PCDHGB3: variants seen among roughly 807,000 people sequenced by gnomAD.
The protein encoded by PCDHGB3 is protocadherin gamma-B3.
In PCDHGB3, 40 loss-of-function variants were observed where a neutral mutation model predicts 59.2. That is an observed-to-expected ratio of 0.68 (90% CI 0.52 to 0.88). The LOEUF (loss-of-function observed/expected upper bound fraction) is 0.88, where lower values mean the gene tolerates loss of function less well. PCDHGB3 is among the 40% of genes least tolerant of loss of function. The pLI, the probability that PCDHGB3 is intolerant of heterozygous loss-of-function variation, is 0.00. For synonymous variants in PCDHGB3, 581 were observed against 503.6 expected (o/e 1.15, Z -2.06); for missense variants, 1,309 against 1,187.9 (o/e 1.10, Z -1.50).
intron 1 of PCDHGB3, chr5:141,394,242 CACGACCCCG>C (rs1450725417): frequency 1.2e-6 from 2 of 1,613,838 alleles, no homozygotes; most frequent in Non-Finnish European, 1.7e-6. Flanking sequence ...CTTGACTGCA[CACGACCCCG>C]ACAGCCAGGA....
chr5:141,371,610 A>C lies in PCDHGB3; in HGVS notation c.1216A>C (p.Thr406Pro). Reference protein sequence around the residue: ...QDTKNTYRLVTDGALDREQIP... With the variant: ...QDTKNTYRLVPDGALDREQIP... ...TACCAAAAACACATACAGGTTGGTGACAGATGGAGCCCTGGACCGGGAGCA... is the reference window on the plus strand; with the variant it reads ...TACCAAAAACACATACAGGTTGGTGCCAGATGGAGCCCTGGACCGGGAGCA... Residue 406 changes from threonine (T) to proline (P), a missense_variant, in exon 1 of 4, where the codon ACA becomes CCA. Thr to Pro is a conservative substitution (Grantham distance 38, BLOSUM62 -1). Coordinates refer to ENST00000576222, the MANE Select transcript of PCDHGB3 (RefSeq NM_018924.5). 1 of 1,614,006 alleles carries C rather than the reference A, an allele frequency of 6.2e-7. No individual in the cohort carries two copies. Among genetic ancestry groups the C allele is most frequent in the Non-Finnish European group, 8.5e-7 (1 of 1,179,880 alleles).
intron 1 of PCDHGB3, among the ~76,000 whole-genome samples, chr5:141,438,396 A>T (rs1026490705): frequency 6.6e-6 from 1 of 150,930 alleles, no homozygotes. Context: ...TTCATCATTA[A>T]CTCTCTGAAG....
intron 1 of PCDHGB3, chr5:141,393,194 C>G (rs770162660): frequency 6.2e-7 from 1 of 1,613,362 alleles, no homozygotes. Flanking sequence ...TTGATATTAA[C>G]GATAATAACC....
At chr5:141,484,311 C>T (rs1234690996) in intron 1 of PCDHGB3, among the ~76,000 whole-genome samples, 2 of 152,196 alleles carry the variant, frequency 1.3e-5, no homozygotes, top group African/African-American at 4.8e-5. Flanking sequence ...CTCCACCCCG[C>T]TTCCATACTG....
intron 1 of PCDHGB3, chr5:141,419,602 C>T (rs757423030): frequency 6.2e-7 from 1 of 1,611,874 alleles, no homozygotes; most frequent in Admixed American, 1.7e-5. Flanking sequence ...TGCCGCGGGC[C>T]GCGCAGCCAG....
In PCDHGB3 at chr5:141,490,729, C is replaced by G. The variant is rs1365931429; in HGVS notation, c.2416-4078C>G. ...CCTCACCTACTCCATTGTAGGAAAT[C>G]AGGTTCAGGGAGCCCCAGCCTCCTC... On this transcript the variant is annotated intron_variant, in intron 1 of 3. Coordinates refer to ENST00000576222, the MANE Select transcript of PCDHGB3 (RefSeq NM_018924.5). The surrounding 1 kb of genome is among the most constrained non-coding windows in gnomAD (Gnocchi z 5.4). 1 of 1,614,184 alleles carries G rather than the reference C, an allele frequency of 6.2e-7. No homozygotes were observed.
At chr5:141,417,954 C>A (rs2096198021) in intron 1 of PCDHGB3, 3 of 1,613,600 alleles carry the variant, frequency 1.9e-6, no homozygotes, top group South Asian at 1.1e-5. Flanking sequence ...CTGTGTGAGC[C>A]GATCCGCTAC....
At chr5:141,510,408 T>C (rs1447722710) in intron 3 of PCDHGB3, among the ~76,000 whole-genome samples, 1 of 151,878 alleles carries the variant, frequency 6.6e-6, no homozygotes, top group African/African-American at 2.4e-5. Flanking sequence ...GCTAGGGGCA[T>C]GTAAAGCCAT....
intron 1 of PCDHGB3, among the ~76,000 whole-genome samples, chr5:141,400,820 G>A (rs1419111099): frequency 6.6e-6 from 1 of 152,082 alleles, no homozygotes; most frequent in African/African-American, 2.4e-5. Context: ...TTACCTATTC[G>A]TTGTCTCATT....
chr5:141,510,821 C>G, intron 3 of PCDHGB3, 126 bp from the exon 4 acceptor site: 2 of 1,559,324 alleles, frequency 1.3e-6, no homozygotes, highest in Non-Finnish European at 1.7e-6. Context: ...CCCCTATATT[C>G]CCAGTGCTCA....
intron 1 of PCDHGB3, among the ~76,000 whole-genome samples, chr5:141,466,036 G>C (rs981390655): frequency 1.3e-5 from 2 of 152,064 alleles, no homozygotes; most frequent in Non-Finnish European, 2.9e-5. Context: ...GCAGGAGAAC[G>C]GCATGAACCC....
At chr5:141,506,898 T>C (rs2099857040) in intron 3 of PCDHGB3, among the ~76,000 whole-genome samples, 1 of 152,260 alleles carries the variant, frequency 6.6e-6, no homozygotes, top group East Asian at 1.9e-4. Context: ...AGAAGCACTG[T>C]CATCACACCT....
intron 1 of PCDHGB3, among the ~76,000 whole-genome samples, chr5:141,472,122 G>A (rs898092092): frequency 6.6e-6 from 1 of 152,176 alleles, no homozygotes; most frequent in African/African-American, 2.4e-5. Flanking sequence ...GAAAATAAAA[G>A]AGAAGTTAAA....
chr5:141,507,397 AC>A (rs1163501030), intron 3 of PCDHGB3: 1 of 152,144 alleles, frequency 6.6e-6, no homozygotes. Flanking sequence ...TGGCAACTCT[AC>A]CCCAGATGTC....
intron 1 of PCDHGB3, chr5:141,374,936 A>G: frequency 6.2e-7 from 1 of 1,614,030 alleles, no homozygotes; most frequent in Non-Finnish European, 8.5e-7. Context: ...TGTGAAGATT[A>G]CAGAAAAGAT....
At chr5:141,393,167 G>A (rs889451396) in intron 1 of PCDHGB3, 9 of 1,613,166 alleles carry the variant, frequency 5.6e-6, no homozygotes, top group Non-Finnish European at 7.6e-6. Flanking sequence ...AACTCTTTGG[G>A]GTAGAAATAG....
At chr5:141,374,954 AT>A in intron 1 of PCDHGB3, 1 of 1,613,990 alleles carries the variant, frequency 6.2e-7, no homozygotes, top group East Asian at 2.2e-5. Flanking sequence ...GATCTCACAA[AT>A]TTTCTGTTTG....
intron 1 of PCDHGB3, chr5:141,388,574 T>C (rs372294800): frequency 6.2e-7 from 1 of 1,613,724 alleles, no homozygotes; most frequent in East Asian, 2.2e-5. Flanking sequence ...AGATACACGT[T>C]CTAGTGACTG....
intron 1 of PCDHGB3, among the ~76,000 whole-genome samples, chr5:141,452,401 G>C (rs2098740635): frequency 6.6e-6 from 1 of 152,134 alleles, no homozygotes. Flanking sequence ...CTAAGATCTG[G>C]GTGTGAGGTA....
Sources: allele counts gnomAD v4.1 joint callset (sites outside exome capture counted in the v4.1 genomes callset), GRCh38; gene constraint gnomAD v4.1.1; non-coding constraint Gnocchi (gnomAD v3.1); transcripts MANE v1.5; gene names NCBI Gene and HGNC (gene_info 2026-07-23, HGNC 2026-07-21).